The following UNC5C variants were observed in gnomAD, a reference collection of about 807,000 sequenced individuals.
UNC5C encodes unc-5 netrin receptor C.
A neutral mutation model predicts 99.8 loss-of-function variants in UNC5C; 47 were observed. The observed-to-expected ratio is 0.47, with a 90% confidence interval of 0.37 to 0.60. The LOEUF (loss-of-function observed/expected upper bound fraction) is 0.60, where lower values mean the gene tolerates loss of function less well. UNC5C is among the 20% of genes least tolerant of loss of function. UNC5C has a pLI of 0.00. For synonymous variants in UNC5C, 487 were observed against 452.2 expected (o/e 1.08, Z -0.98); for missense variants, 1,062 against 1,165.9 (o/e 0.91, Z 1.30).
Position 95,250,471 on chromosome 4 carries a change from C to T in UNC5C, c.775+16G>A. On this transcript the variant is annotated intron_variant, in intron 5 of 15. Coordinates refer to ENST00000453304, the MANE Select transcript of UNC5C (RefSeq NM_003728.4). ...GTTAAACATGAACTAGATTGAGACC[C>T]TGAAGGGCCACTCACCATAGACTAT... 1 of 1,611,472 alleles carries T rather than the reference C, an allele frequency of 6.2e-7. No individual in the cohort carries two copies. The highest frequency in any genetic ancestry group is 8.5e-7 in the Non-Finnish European group (1 of 1,178,868).
intron 2 of UNC5C, among the ~76,000 whole-genome samples, chr4:95,325,159 G>A (rs1483911822): frequency 6.6e-6 from 1 of 152,156 alleles, no homozygotes; most frequent in Non-Finnish European, 1.5e-5. Context: ...GTTTGATTAG[G>A]AGCCAATTAT....
chr4:95,194,896 A>G (rs762063715), intron 12 of UNC5C, among the ~76,000 whole-genome samples: 3 of 152,162 alleles, frequency 2.0e-5, no homozygotes, highest in Admixed American at 2.0e-4. Context: ...TCAACATGGC[A>G]AGTCATTTCT....
intron 7 of UNC5C, chr4:95,222,232 G>T (rs921111363): frequency 6.7e-7 from 1 of 1,500,010 alleles, no homozygotes; most frequent in African/African-American, 1.4e-5. Flanking sequence ...ATTCATTCTG[G>T]GTTCTCTGTT....
chr4:95,547,179 G>A (rs1437408793), intron 1 of UNC5C, among the ~76,000 whole-genome samples: 1 of 151,992 alleles, frequency 6.6e-6, no homozygotes, highest in Admixed American at 6.6e-5. Context: ...GAACTCTGGA[G>A]GTGTGCATAA....
chr4:95,239,018 A>G (rs551361260), intron 7 of UNC5C, among the ~76,000 whole-genome samples: 2 of 152,118 alleles, frequency 1.3e-5, no homozygotes, highest in Non-Finnish European at 2.9e-5. Context: ...AGATTGCTCT[A>G]TGAGTTCATG....
intron 2 of UNC5C, among the ~76,000 whole-genome samples, chr4:95,329,905 T>C (rs947772006): frequency 2.6e-5 from 4 of 152,200 alleles, no homozygotes; most frequent in African/African-American, 9.6e-5. Context: ...TTTCTACTAA[T>C]GATGATGGTG....
intron 3 of UNC5C, among the ~76,000 whole-genome samples, chr4:95,283,051 A>G (rs1741117414): frequency 6.6e-6 from 1 of 152,096 alleles, no homozygotes; most frequent in South Asian, 2.1e-4. Context: ...CTAAGTCCCA[A>G]TGGTATCTAC....
chr4:95,302,531 T>A (rs1741915771), intron 2 of UNC5C, among the ~76,000 whole-genome samples: 1 of 152,160 alleles, frequency 6.6e-6, no homozygotes, highest in Non-Finnish European at 1.5e-5. Context: ...TTCTTCAATG[T>A]GCCTCTTTGC....
chr4:95,350,143 A>T (rs545215680), intron 1 of UNC5C, among the ~76,000 whole-genome samples: 1 of 152,276 alleles, frequency 6.6e-6, no homozygotes, highest in East Asian at 1.9e-4. Context: ...GCTTAATTTT[A>T]GGATATCAGA....
intron 1 of UNC5C, among the ~76,000 whole-genome samples, chr4:95,385,367 T>A (rs1176984676): frequency 1.3e-5 from 2 of 152,136 alleles, no homozygotes; most frequent in Non-Finnish European, 2.9e-5. Context: ...TTGTAAAAAA[T>A]TTGTGTTTTC....
chr4:95,528,119 TAAC>T (rs1286522182), intron 1 of UNC5C, among the ~76,000 whole-genome samples: 1 of 152,210 alleles, frequency 6.6e-6, no homozygotes, highest in African/African-American at 2.4e-5. Flanking sequence ...ATATATCTCT[TAAC>T]AATCTGTTTA....
chr4:95,287,801 A>G (rs1049332714), intron 3 of UNC5C, among the ~76,000 whole-genome samples: 1 of 152,222 alleles, frequency 6.6e-6, no homozygotes, highest in African/African-American at 2.4e-5. Context: ...ATATCATGTC[A>G]CTGCTTAGTT....
intron 6 of UNC5C, 64 bp from the exon 7 acceptor site, chr4:95,242,657 A>G (rs948786235): frequency 6.9e-7 from 1 of 1,452,940 alleles, no homozygotes; most frequent in Non-Finnish European, 9.1e-7. Flanking sequence ...GATGGAGCAG[A>G]GCTCAAATAT....
chr4:95,188,281 G>A (rs1009872859), intron 12 of UNC5C, among the ~76,000 whole-genome samples: 2 of 152,134 alleles, frequency 1.3e-5, no homozygotes, highest in African/African-American at 2.4e-5. Flanking sequence ...TTCCCGCAAA[G>A]TGGCAACTGG....
chr4:95,186,195 A>G (rs1736822440), intron 12 of UNC5C, among the ~76,000 whole-genome samples: 1 of 152,204 alleles, frequency 6.6e-6, no homozygotes, highest in Non-Finnish European at 1.5e-5. Flanking sequence ...ATACACAGGA[A>G]ATTTGTGACC....
At chr4:95,345,035 A>G (rs1236057193) in intron 1 of UNC5C, among the ~76,000 whole-genome samples, 2 of 151,960 alleles carry the variant, frequency 1.3e-5, no homozygotes, top group Non-Finnish European at 2.9e-5. Flanking sequence ...TAAACCAATC[A>G]AAAGACACAG....
intron 1 of UNC5C, among the ~76,000 whole-genome samples, chr4:95,366,466 G>T (rs1744574723): frequency 6.6e-6 from 1 of 152,054 alleles, no homozygotes; most frequent in South Asian, 2.1e-4. Flanking sequence ...AATAATGAAG[G>T]CAACACAATT....
intron 2 of UNC5C, among the ~76,000 whole-genome samples, chr4:95,326,874 G>A (rs895574872): frequency 5.9e-5 from 9 of 152,052 alleles, no homozygotes; most frequent in Non-Finnish European, 7.4e-5. Flanking sequence ...ATATTTTATT[G>A]AATGTAGTCA....
chr4:95,471,001 A>C (rs1354409890), intron 1 of UNC5C, among the ~76,000 whole-genome samples: 1 of 152,106 alleles, frequency 6.6e-6, no homozygotes, highest in Non-Finnish European at 1.5e-5. Flanking sequence ...AAAGAAAAAA[A>C]AATCCAAGGA....
Sources: gnomAD v4.1 joint callset for allele counts (sites outside exome capture counted in the v4.1 genomes callset) on GRCh38, gnomAD v4.1.1 for gene constraint, MANE v1.5 for transcripts, NCBI Gene and HGNC (gene_info 2026-07-23, HGNC 2026-07-21) for gene names.